TFRC: variants seen among roughly 807,000 people sequenced by gnomAD.
The protein encoded by TFRC is transferrin receptor protein 1.
A neutral mutation model predicts 85.8 loss-of-function variants in TFRC; 35 were observed. That is an observed-to-expected ratio of 0.41 (90% CI 0.31 to 0.54). The LOEUF (loss-of-function observed/expected upper bound fraction) is 0.54. Among genes scored for constraint, TFRC ranks in the 20% least tolerant of loss-of-function variants. The pLI, the probability that TFRC is intolerant of heterozygous loss-of-function variation, is 0.31. For missense variants in TFRC, 828 were observed against 921.5 expected (o/e 0.90, Z 1.31); for synonymous variants, 362 against 328.6 (o/e 1.10, Z -1.10).
intron 2 of TFRC, among the ~76,000 whole-genome samples, chr3:196,076,108 A>C (rs546886705): frequency 2.4e-4 from 36 of 152,052 alleles, no homozygotes; most frequent in Admixed American, 8.5e-4. Context: ...CTGCATTCCA[A>C]CCTGGGCAAC....
intron 5 of TFRC, 29 bp from the exon 6 acceptor site, chr3:196,071,527 C>T (rs778419755): frequency 1.5e-5 from 24 of 1,604,198 alleles, no homozygotes; most frequent in Non-Finnish European, 2.0e-5. Context: ...TAAAATAAGC[C>T]TAAGGTCATC....
intron 7 of TFRC, among the ~76,000 whole-genome samples, chr3:196,068,428 T>C (rs865850586): frequency 6.6e-6 from 1 of 150,410 alleles, no homozygotes; most frequent in African/African-American, 2.5e-5. Flanking sequence ...CTGGCCAACA[T>C]GGTGAAACCC....
rs1236302792 is a variant in TFRC at position 196,072,083 on chromosome 3, A to G, written c.504T>C (p.Tyr168=). ...GSQKDENLAL[Y]VENQFREFKL... ...TAAATTCACGAAATTGATTTTCAAC[A>G]TACAACGCAAGATTTTCATCTTTTT... The change falls in exon 5 of 19, where the codon TAT becomes TAC. Residue 168 remains tyrosine, a synonymous_variant. Coordinates refer to ENST00000360110, the MANE Select transcript of TFRC (RefSeq NM_001128148.3). The G allele has an allele frequency of 6.2e-7, 1 of 1,614,236 alleles. No individual in the cohort carries two copies. The highest frequency in any genetic ancestry group is 8.5e-7 in the Non-Finnish European group (1 of 1,180,046).
In TFRC at chr3:196,052,141, G is replaced by C. The variant is rs1218780653; in HGVS notation, c.2084C>G (p.Ser695Cys). Residue 695 changes from serine to cysteine, a missense_variant, in exon 19 of 19, where the codon TCT becomes TGT. Ser to Cys is a moderately radical substitution (Grantham distance 112). Coordinates refer to ENST00000360110, the MANE Select transcript of TFRC (RefSeq NM_001128148.3). ...FLSPYVSPKE[S>C]PFRHVFWGSG... The stretch of plus-strand genomic sequence containing the variant: ...GCCCCAGAAGACATGTCGGAAAGGA[G>C]ACTCTTTTGGAGATACGTAGGGAGA... The C allele has an allele frequency of 6.2e-7, 1 of 1,613,950 alleles. No homozygotes were observed. The highest frequency in any genetic ancestry group is 8.5e-7 in the Non-Finnish European group (1 of 1,180,016).
chr3:196,059,275 T>C (rs935480444), intron 14 of TFRC, among the ~76,000 whole-genome samples: 7 of 152,106 alleles, frequency 4.6e-5, no homozygotes, highest in African/African-American at 9.7e-5. Flanking sequence ...GATCGCACCA[T>C]TGCACTCCAG....
intron 4 of TFRC, among the ~76,000 whole-genome samples, chr3:196,073,464 T>C (rs904553254): frequency 3.9e-5 from 6 of 151,952 alleles, no homozygotes; most frequent in African/African-American, 1.5e-4. Flanking sequence ...TAGGGGTTAA[T>C]GGGTGAGTAT....
At chr3:196,077,647 G>A (rs188264686) in intron 1 of TFRC, among the ~76,000 whole-genome samples, 564 of 152,142 alleles carry the variant, frequency 3.7e-3, no homozygotes, top group Non-Finnish European at 6.1e-3. Context: ...AGCCACTCGG[G>A]AGCCTGAGGC....
chr3:196,076,394 C>T (rs1341347115), intron 2 of TFRC, among the ~76,000 whole-genome samples: 1 of 151,826 alleles, frequency 6.6e-6, no homozygotes, highest in Non-Finnish European at 1.5e-5. Context: ...TGCCTCACCT[C>T]CCAAACTGCT....
At chr3:196,081,163 G>A (rs1301474430) in intron 1 of TFRC, among the ~76,000 whole-genome samples, 1 of 152,196 alleles carries the variant, frequency 6.6e-6, no homozygotes, top group African/African-American at 2.4e-5. Context: ...ATCCAGCACA[G>A]CCCTCTGACC....
rs1174218155 is a variant in TFRC, at chr3:196,069,559, C to A, written c.697G>T (p.Val233Phe). 5 of 1,589,052 alleles carry A rather than the reference C, an allele frequency of 3.1e-6. No homozygotes were observed. Among genetic ancestry groups the A allele is most frequent in the African/African-American group, 1.3e-5 (1 of 74,472 alleles). ...TTTTTAGTACCAAAATTAGCATGGA[C>A]CAGTTTACCCTAGAACAAAGACATT... ...SKAATVTGKLVHANFGTKKDF... is the reference protein window; with the variant it reads ...SKAATVTGKLFHANFGTKKDF... The change falls in exon 7 of 19, where the codon GTC becomes TTC. Residue 233 changes from valine (V) to phenylalanine (F), a missense_variant. By Grantham distance (50) the Val-to-Phe change is conservative (BLOSUM62 -1). Coordinates refer to ENST00000360110, the MANE Select transcript of TFRC (RefSeq NM_001128148.3).
At chr3:196,058,249 C>G in intron 16 of TFRC, 35 bp downstream of exon 16, 1 of 1,559,088 alleles carries the variant, frequency 6.4e-7, no homozygotes, top group Non-Finnish European at 8.8e-7. Flanking sequence ...TTTAGAGAGC[C>G]TCTCTCCATT....
chr3:196,075,142 G>A lies in TFRC; in HGVS notation c.238+17C>T. 1 of 1,608,544 alleles carries A rather than the reference G, an allele frequency of 6.2e-7. No homozygotes were observed. Among genetic ancestry groups the A allele is most frequent in the Non-Finnish European group, 8.5e-7 (1 of 1,175,944 alleles). On this transcript the variant is annotated intron_variant, in intron 3 of 18. Coordinates refer to ENST00000360110, the MANE Select transcript of TFRC (RefSeq NM_001128148.3). ...TTGGTTATAGAAAACATTGAAGTTT[G>A]GAATGGTCATTCTCACCAATCAAGA...
At chr3:196,052,352 G>A (rs1418777437) in intron 18 of TFRC, among the ~76,000 whole-genome samples, 168 bp from the exon 19 acceptor site, 2 of 141,134 alleles carry the variant, frequency 1.4e-5, no homozygotes, top group Non-Finnish European at 3.0e-5. Context: ...AGACTGGAGT[G>A]CAACAGCGCT....
chr3:196,077,621 G>T (rs1481515650), intron 1 of TFRC, among the ~76,000 whole-genome samples: 1 of 152,044 alleles, frequency 6.6e-6, no homozygotes, highest in South Asian at 2.1e-4. Context: ...ACGTGGTGGT[G>T]GGCGCCTGTA....
At chr3:196,074,530 T>C (rs1718492853) in intron 3 of TFRC, 1 of 159,706 alleles carries the variant, frequency 6.3e-6, no homozygotes, top group Non-Finnish European at 1.4e-5. Flanking sequence ...TCCAACCAGA[T>C]TAAATTCAAT....
chr3:196,065,558 A>G lies in TFRC; in HGVS notation c.1083T>C (p.Ser361=). The G allele has an allele frequency of 6.2e-7, 1 of 1,612,382 alleles. No individual in the cohort carries two copies. Among genetic ancestry groups the G allele is most frequent in the Non-Finnish European group, 8.5e-7 (1 of 1,179,612 alleles). ...TTTCTGAGGTTACCATCCTACATGT[A>G]GAGTCTGTTTTCCAGTCAGAGGGAC... ...GDCPSDWKTD[S]TCRMVTSESK... is the part of the protein sequence containing the mutation. Residue 361 remains serine (S), a synonymous_variant, in exon 10 of 19, where the codon TCT becomes TCC. Coordinates refer to ENST00000360110, the MANE Select transcript of TFRC (RefSeq NM_001128148.3).
At chr3:196,064,267 G>C (rs1048416962) in intron 11 of TFRC, 42 bp downstream of exon 11, 2 of 1,586,930 alleles carry the variant, frequency 1.3e-6, no homozygotes, top group African/African-American at 2.7e-5. Context: ...AGAACTGTAT[G>C]CAGTGCACCA....
At chr3:196,074,880 A>AG (rs2108656688) in intron 3 of TFRC, among the ~76,000 whole-genome samples, 1 of 125,150 alleles carries the variant, frequency 8.0e-6, no homozygotes, top group African/African-American at 3.1e-5. Context: ...CTCCAACTCA[A>AG]AAAAAAAAAA....
intron 9 of TFRC, among the ~76,000 whole-genome samples, chr3:196,066,669 T>C (rs1717767307): frequency 1.3e-5 from 2 of 152,158 alleles, no homozygotes; most frequent in Non-Finnish European, 2.9e-5. Context: ...AAATGCCTCT[T>C]AGCGTTATCA....
Sources: allele counts gnomAD v4.1 joint callset (sites outside exome capture counted in the v4.1 genomes callset), GRCh38; gene constraint gnomAD v4.1.1; transcripts MANE v1.5; gene names NCBI Gene and HGNC (gene_info 2026-07-23, HGNC 2026-07-21).